The following SEC61A1 variants were observed in gnomAD, a reference collection of about 807,000 sequenced individuals.
SEC61A1 encodes SEC61 translocon subunit alpha 1.
In SEC61A1, 15 loss-of-function variants were observed where a neutral mutation model predicts 55.2. That is an observed-to-expected ratio of 0.27 (90% CI 0.18 to 0.42). The LOEUF is 0.42. Among genes scored for constraint, SEC61A1 ranks in the 10% least tolerant of loss-of-function variants. SEC61A1 has a pLI of 1.00. For missense variants in SEC61A1, 284 were observed against 602.6 expected, an observed-to-expected ratio of 0.47 and a Z score of 5.53; for synonymous variants, 247 against 234.0, an observed-to-expected ratio of 1.06 and a Z score of -0.51.
At chr3:128,061,488 A>G (rs1941850740) in intron 7 of SEC61A1, among the ~76,000 whole-genome samples, 1 of 152,214 alleles carries the variant, frequency 6.6e-6, no homozygotes, top group Non-Finnish European at 1.5e-5. Flanking sequence ...CATATTTGAG[A>G]GTTTTCTTTT....
At position 128,067,499 on chromosome 3, in the gene SEC61A1, G is replaced by C; in HGVS notation, c.1054G>C (p.Gly352Arg). The C allele has an allele frequency of 6.2e-7, 1 of 1,614,144 alleles. No homozygotes were observed. The highest frequency in any genetic ancestry group is 1.3e-5 in the African/African-American group (1 of 75,030). ...TTACCTGTCCCCTCCAGAATCTTTT[G>C]GCTCCGTGTTAGAAGACCCGGTCCA... ...CYYLSPPESF[G>R]SVLEDPVHAV... The change falls in exon 10 of 12, where the codon GGC (glycine) becomes CGC (arginine). Residue 352 changes from glycine to arginine, a missense_variant. Gly to Arg is a moderately radical substitution (Grantham distance 125). Transcript: ENST00000243253. This position sits in a 1 kb window ranked among gnomAD's most constrained non-coding sequence, Gnocchi z 4.1.
chr3:128,051,799 C>A, upstream of SEC61A1: 1 of 1,533,508 alleles, frequency 6.5e-7, no homozygotes, highest in Middle Eastern at 1.7e-4. Flanking sequence ...CCCGGCCCTT[C>A]TCCGGCCAAG....
chr3:128,055,753 T>A lies in SEC61A1; in HGVS notation c.220+2T>A, dbSNP rs1177626671. 1 of 1,607,598 alleles carries A rather than the reference T, an allele frequency of 6.2e-7. No homozygotes were observed. On this transcript the variant is annotated splice_donor_variant, in intron 4 of 11. Coordinates refer to ENST00000243253, the MANE Select transcript of SEC61A1 (RefSeq NM_013336.4). LOFTEE classifies it high-confidence loss of function. Reference sequence around the variant, plus strand: ...GAGTGATTCTAGCCTCTAACAGAGGTAGGACTCTGGCTCTGTCTTTTCTCT... The same window carrying A: ...GAGTGATTCTAGCCTCTAACAGAGGAAGGACTCTGGCTCTGTCTTTTCTCT...
At chr3:128,051,671 T>C, upstream of SEC61A1, 1 of 1,424,068 alleles carries the variant, frequency 7.0e-7, no homozygotes. Context: ...CCCACAACAG[T>C]CTCCTCAACC....
intron 2 of SEC61A1, 72 bp from the exon 3 acceptor site, chr3:128,055,442 CTG>C: frequency 8.6e-7 from 1 of 1,168,958 alleles, no homozygotes; most frequent in African/African-American, 1.5e-5. Context: ...AGAAAGGGGT[CTG>C]ATTGGAGTCC....
chr3:128,067,237 A>C lies in SEC61A1; in HGVS notation c.975+86A>C. On this transcript the variant is annotated intron_variant, in intron 9 of 11. Transcript: ENST00000243253. This position sits in a 1 kb window ranked among gnomAD's most constrained non-coding sequence, Gnocchi z 4.1. ...TGTCTTGCTCATGAACAGATATTTCATCCAAAGATATTTTCCATTGTGCCT... is the reference window on the plus strand; with the variant it reads ...TGTCTTGCTCATGAACAGATATTTCCTCCAAAGATATTTTCCATTGTGCCT... 1 of 1,377,708 alleles carries C rather than the reference A, an allele frequency of 7.3e-7. No homozygotes were observed. The highest frequency in any genetic ancestry group is 1.0e-6 in the Non-Finnish European group (1 of 980,048). The allele number at this position is 1,377,708 out of a possible 1,614,324, so 85.3% of individuals were successfully genotyped here. A position where few individuals can be genotyped will look rare whatever the true frequency, so the allele number is the denominator to read the frequency against.
At chr3:128,051,753 G>A (rs1941676156), upstream of SEC61A1, 1 of 1,499,166 alleles carries the variant, frequency 6.7e-7, no homozygotes, top group Non-Finnish European at 8.9e-7. Context: ...AGGCCTTCCT[G>A]AATTCTTCTG....
At position 128,052,472 on chromosome 3, in the gene SEC61A1, C is replaced by T. The variant is rs972284273; in HGVS notation, c.-81C>T. The T allele has an allele frequency of 1.1e-5, 17 of 1,538,152 alleles. No homozygotes were observed. In the African/African-American group the frequency reaches 2.2e-4, roughly 20 times the overall value. ...TCGGCGGAGCTGCTGTGCAGTGGAA[C>T]GCGCTGGGCCGCGGGCAGCGTCGCC... On this transcript the variant is annotated 5_prime_UTR_variant, in exon 1 of 12. The change creates a new upstream start codon in the 5' untranslated region. Transcript: ENST00000243253.
intron 5 of SEC61A1, among the ~76,000 whole-genome samples, chr3:128,058,201 A>ATT (rs57508280): frequency 0.12 from 9,364 of 79,456 alleles, 1,756 homozygotes; most frequent in African/African-American, 0.13. Context: ...AAATACGTCT[A>ATT]TTTTTTTTTT....
upstream of SEC61A1, among the ~76,000 whole-genome samples, chr3:128,052,152 A>C (rs1941685776): frequency 6.6e-6 from 1 of 151,994 alleles, no homozygotes; most frequent in Non-Finnish European, 1.5e-5. Context: ...GAGGCCGCAC[A>C]GCCCCAGTCT....
chr3:128,054,446 A>G (rs1941740071), intron 2 of SEC61A1, among the ~76,000 whole-genome samples: 1 of 152,202 alleles, frequency 6.6e-6, no homozygotes, highest in African/African-American at 2.4e-5. Flanking sequence ...ACCATTCTCA[A>G]GAGAAGAAGA....
Position 128,067,838 on chromosome 3 carries a change from T to C in SEC61A1, c.1168-145T>C. On this transcript the variant is annotated intron_variant, in intron 10 of 11. Transcript: ENST00000243253. This position sits in a 1 kb window ranked among gnomAD's most constrained non-coding sequence, Gnocchi z 4.1. The stretch of plus-strand genomic sequence containing the variant: ...CACTGTAAAGTTAGACTTTTTCATA[T>C]GACTTCCTTGCGGCAGTTTTAAAGT... 3 of 743,234 alleles carry C rather than the reference T, an allele frequency of 4.0e-6. No individual in the cohort carries two copies. The highest frequency in any genetic ancestry group is 6.9e-6 in the Non-Finnish European group (3 of 431,978). 46.0% of individuals were successfully genotyped at this position (743,234 alleles called of 1,614,324 possible). A position where few individuals can be genotyped will look rare whatever the true frequency, so the allele number is the denominator to read the frequency against.
At chr3:128,057,506 A>G (rs1053766230) in intron 5 of SEC61A1, among the ~76,000 whole-genome samples, 3 of 152,214 alleles carry the variant, frequency 2.0e-5, no homozygotes, top group Admixed American at 6.5e-5. Context: ...ATAAGGATTA[A>G]ATAATCACTG....
At chr3:128,058,669 T>A (rs1434693128) in intron 5 of SEC61A1, among the ~76,000 whole-genome samples, 1 of 152,088 alleles carries the variant, frequency 6.6e-6, no homozygotes, top group East Asian at 1.9e-4. Flanking sequence ...GTGACTAGCC[T>A]GGGTAACACA....
intron 8 of SEC61A1, chr3:128,066,651 T>C (rs921305177): frequency 5.0e-6 from 2 of 400,510 alleles, no homozygotes. Context: ...ATCGAACTTC[T>C]GGGCTCAAGC....
chr3:128,066,991 A>G lies in SEC61A1; in HGVS notation c.815A>G (p.Tyr272Cys). The G allele has an allele frequency of 1.2e-6, 2 of 1,614,152 alleles. No individual in the cohort carries two copies. Among genetic ancestry groups the G allele is most frequent in the Admixed American group, 1.7e-5 (1 of 60,022 alleles). The stretch of plus-strand genomic sequence containing the variant: ...GACCTGCCAATCAAGTCGGCCCGCT[A>G]CCGTGGCCAGTACAACACCTATCCC... ...RVDLPIKSAR[Y>C]RGQYNTYPIK... The change falls in exon 9 of 12, where the codon TAC becomes TGC. Residue 272 changes from tyrosine (Y) to cysteine (C), a missense_variant. By Grantham distance (194) the Tyr-to-Cys change is radical. Transcript: ENST00000243253.
chr3:128,059,972 C>T (rs540645801), intron 5 of SEC61A1, 130 bp from the exon 6 acceptor site: 1 of 665,710 alleles, frequency 1.5e-6, no homozygotes, highest in Non-Finnish European at 2.7e-6. Flanking sequence ...AGCCGAGCCC[C>T]TTGGAGGTAG....
intron 5 of SEC61A1, among the ~76,000 whole-genome samples, chr3:128,057,720 C>T (rs908220203): frequency 1.2e-3 from 3 of 2,406 alleles, no homozygotes; most frequent in African/African-American, 5.6e-3. Flanking sequence ...ATTAGCCAGG[C>T]GTGGTGACAA....
At position 128,071,322 on chromosome 3, in the gene SEC61A1, GATGCCCTCCTACCCAC is replaced by G. The variant is rs1455148085; in HGVS notation, c.*1664_*1679del. On this transcript the variant is annotated 3_prime_UTR_variant, in exon 12 of 12. Coordinates refer to ENST00000243253, the MANE Select transcript of SEC61A1 (RefSeq NM_013336.4). ...AGCAGGGGAGAGGCTCTTGAGACCT[GATGCCCTCCTACCCAC>G]ATGGTTCTCCCACTGCCCTGTCTGC... is the stretch of plus-strand genomic sequence containing the variant. The G allele has an allele frequency of 1.3e-5, 2 of 152,510 alleles. No individual in the cohort carries two copies. The highest frequency in any genetic ancestry group is 4.8e-5 in the African/African-American group (2 of 41,468). The allele number at this position is 152,510 out of a possible 1,614,324, so 9.4% of individuals were successfully genotyped here. A position where few individuals can be genotyped will look rare whatever the true frequency, so the allele number is the denominator to read the frequency against.
Sources: gnomAD v4.1 joint callset for allele counts (sites outside exome capture counted in the v4.1 genomes callset) on GRCh38, gnomAD v4.1.1 for gene constraint, Gnocchi (gnomAD v3.1) non-coding constraint, MANE v1.5 for transcripts, NCBI Gene and HGNC (gene_info 2026-07-23, HGNC 2026-07-21) for gene names.